Variants in CDHR3 observed in about 807,000 individuals in gnomAD.
The protein encoded by CDHR3 is cadherin related family member 3.
A neutral mutation model predicts 86.6 loss-of-function variants in CDHR3; 79 were observed. The observed-to-expected ratio is 0.91, with a 90% CI of 0.76 to 1.10. The LOEUF (loss-of-function observed/expected upper bound fraction) is 1.10, where lower values mean the gene tolerates loss of function less well. Ranked by LOEUF, CDHR3 falls within the 50% of genes least tolerant of loss-of-function variation. The pLI is 0.00. For missense variants in CDHR3, 1,081 were observed against 1,077.6 expected (o/e 1.00, Z -0.04); for synonymous variants, 421 against 402.4 (o/e 1.05, Z -0.55).
chr7:105,970,936 T>A (rs906938518), intron 1 of CDHR3, among the ~76,000 whole-genome samples: 1 of 151,914 alleles, frequency 6.6e-6, no homozygotes, highest in Admixed American at 6.6e-5. Flanking sequence ...GGTCAGGAGA[T>A]CAAGACCATC....
chr7:105,986,587 C>A (rs1367675429), intron 4 of CDHR3, among the ~76,000 whole-genome samples: 1 of 152,094 alleles, frequency 6.6e-6, no homozygotes. Context: ...ACCCAAAGAC[C>A]CCCAGGGAAA....
Position 106,004,603 on chromosome 7 carries a change from G to C in CDHR3, c.968G>C (p.Gly323Ala), listed in dbSNP as rs1047724093. 1.9e-6 allele frequency: 3 copies of C among 1,613,994 alleles called. No homozygotes were observed. The highest frequency in any genetic ancestry group is 2.5e-6 in the Non-Finnish European group (3 of 1,179,904). ...LEVLVKDRPY[G>A]GQENRIQITF... ...GTTCTAGTGAAGGACAGACCATATG[G>C]GGGTCAGGAGAATCGCATCCAGATA... Residue 323 changes from glycine (G) to alanine (A), a missense_variant, in exon 8 of 19, where the codon GGG becomes GCG. Physicochemically the swap from Gly to Ala is moderately conservative, Grantham distance 60. Coordinates refer to ENST00000317716, the MANE Select transcript of CDHR3 (RefSeq NM_152750.5).
Position 105,996,350 on chromosome 7 carries a change from A to G in CDHR3, c.709A>G (p.Thr237Ala). 1 of 1,588,480 alleles carries G rather than the reference A, an allele frequency of 6.3e-7. No individual in the cohort carries two copies. The highest frequency in any genetic ancestry group is 8.6e-7 in the Non-Finnish European group (1 of 1,160,890). ...VNLNDEVPRF[T>A]SPTRVYTVLE... is the part of the protein sequence containing the mutation. ...CCTCAACGACGAAGTCCCTCGCTTTACCAGGTAGGCCTGAGGGCATGCAGG... is the reference window on the plus strand; with the variant it reads ...CCTCAACGACGAAGTCCCTCGCTTTGCCAGGTAGGCCTGAGGGCATGCAGG... The change falls in exon 6 of 19, where the codon ACC (threonine) becomes GCC (alanine). Residue 237 changes from threonine (T) to alanine (A), a missense_variant. Coordinates refer to ENST00000317716, the MANE Select transcript of CDHR3 (RefSeq NM_152750.5).
rs527337189 is a variant in CDHR3, at chr7:106,008,753, C to A, written c.1052+4066C>A. Reference sequence around the variant, plus strand: ...AGCATCACACTTACACTTTCTTTGACATTTTAAATCTGTGCTAGAACTCTT... The same window carrying A: ...AGCATCACACTTACACTTTCTTTGAAATTTTAAATCTGTGCTAGAACTCTT... On this transcript the variant is annotated intron_variant, in intron 8 of 18. Coordinates refer to ENST00000317716, the MANE Select transcript of CDHR3 (RefSeq NM_152750.5). 2.6e-5 allele frequency among the ~76,000 whole-genome samples: 4 copies of A among 152,258 alleles called. No homozygotes were observed. The South Asian group carries it at 8.3e-4, about 32-fold the overall frequency.
chr7:106,027,146 C>T (rs1837480403), intron 16 of CDHR3, among the ~76,000 whole-genome samples: 1 of 152,124 alleles, frequency 6.6e-6, no homozygotes, highest in Non-Finnish European at 1.5e-5. Context: ...CCTGTAATCC[C>T]AGCACTTTGA....
At chr7:106,015,598 G>A (rs774834672) in intron 10 of CDHR3, among the ~76,000 whole-genome samples, 5 of 152,040 alleles carry the variant, frequency 3.3e-5, no homozygotes, top group Non-Finnish European at 5.9e-5. Flanking sequence ...AGTGAATTAT[G>A]TGGTTTTATA....
intron 1 of CDHR3, among the ~76,000 whole-genome samples, chr7:105,969,404 A>AAG (rs1049039052): frequency 6.6e-6 from 1 of 151,464 alleles, no homozygotes; most frequent in Non-Finnish European, 1.5e-5. Flanking sequence ...TCTCAAAAAA[A>AAG]AAAAAAAAAA....
At chr7:105,988,909 C>A (rs1056472086) in intron 4 of CDHR3, among the ~76,000 whole-genome samples, 3 of 152,326 alleles carry the variant, frequency 2.0e-5, no homozygotes, top group Admixed American at 2.0e-4. Context: ...ATTTTGCCTT[C>A]TTTTTCCATA....
chr7:105,996,206 G>A (rs768470118), intron 5 of CDHR3, 44 bp from the exon 6 acceptor site: 8 of 1,078,426 alleles, frequency 7.4e-6, no homozygotes, highest in Non-Finnish European at 1.1e-5. Flanking sequence ...TTGAAGTAGT[G>A]CCAGCAAAGC....
At chr7:106,006,719 G>A (rs148543675) in intron 8 of CDHR3, among the ~76,000 whole-genome samples, 1 of 152,188 alleles carries the variant, frequency 6.6e-6, no homozygotes, top group African/African-American at 2.4e-5. Context: ...TTCCATCCTG[G>A]ATGCTTTCAT....
chr7:105,994,742 GT>G lies in CDHR3; in HGVS notation c.514-3del, dbSNP rs1831923147. On this transcript the variant is annotated splice_polypyrimidine_tract_variant and splice_region_variant and intron_variant, in intron 4 of 18. Coordinates refer to ENST00000317716, the MANE Select transcript of CDHR3 (RefSeq NM_152750.5). ...CTGATTTCATCAATTTTTTTCCCTT[GT>G]TTTTTAGTATTTCCTGATTTCTCCC... 1.2e-6 allele frequency: 2 copies of G among 1,600,962 alleles called. No individual in the cohort carries two copies. The highest frequency in any genetic ancestry group is 1.1e-5 in the South Asian group (1 of 88,852).
In CDHR3 at chr7:106,024,528, T is replaced by C; in HGVS notation, c.2224T>C (p.Cys742Arg). 1 of 1,614,062 alleles carries C rather than the reference T, an allele frequency of 6.2e-7. No individual in the cohort carries two copies. Among genetic ancestry groups the C allele is most frequent in the Non-Finnish European group, 8.5e-7 (1 of 1,179,888 alleles). The part of the protein sequence containing the change: ...VLLAKAIHRH[C>R]PCKTGKNKEP... ...ATTGGCCAAAGCCATCCACAGACAC[T>C]GCCCCTGCAAGACTGGGAAGAACAA... Residue 742 changes from cysteine to arginine, a missense_variant, in exon 15 of 19, where the codon TGC becomes CGC. Cys to Arg is a radical substitution (Grantham distance 180, BLOSUM62 -3). Transcript: ENST00000317716.
chr7:105,973,819 T>C (rs749676511), intron 1 of CDHR3, among the ~76,000 whole-genome samples: 5 of 151,934 alleles, frequency 3.3e-5, no homozygotes, highest in Non-Finnish European at 7.4e-5. Context: ...ATACAAAAAT[T>C]AGCCAGGCAT....
At chr7:105,991,059 G>A (rs1481633680) in intron 4 of CDHR3, among the ~76,000 whole-genome samples, 1 of 152,226 alleles carries the variant, frequency 6.6e-6, no homozygotes, top group Non-Finnish European at 1.5e-5. Context: ...GAGCTTGTCT[G>A]ACAAGCATTT....
At chr7:105,964,944 C>T (rs1826626652) in intron 1 of CDHR3, among the ~76,000 whole-genome samples, 1 of 152,060 alleles carries the variant, frequency 6.6e-6, no homozygotes, top group African/African-American at 2.4e-5. Context: ...TTTAGGGCCA[C>T]AATCATTTGA....
Position 105,996,277 on chromosome 7 carries a change from C to G in CDHR3, c.636C>G (p.Asp212Glu). The change falls in exon 6 of 19, where the codon GAC becomes GAG. Residue 212 changes from aspartate to glutamate, a missense_variant. By Grantham distance (45) the Asp-to-Glu change is conservative. Transcript: ENST00000317716. ...RSFHLIVEVR[D>E]SGGLKASTEL... ...TCCATCTCATCGTGGAGGTGAGGGA[C>G]AGTGGAGGCCTCAAAGCCTCCACAG... 1 of 1,596,562 alleles carries G rather than the reference C, an allele frequency of 6.3e-7. No individual in the cohort carries two copies. The highest frequency in any genetic ancestry group is 8.6e-7 in the Non-Finnish European group (1 of 1,165,510).
intron 2 of CDHR3, among the ~76,000 whole-genome samples, chr7:105,977,944 T>C (rs1829082284): frequency 6.6e-6 from 1 of 152,148 alleles, no homozygotes; most frequent in Admixed American, 6.5e-5. Context: ...TTACGGGGCA[T>C]TTACCATATG....
chr7:106,025,927 G>C (rs909164736), intron 15 of CDHR3, among the ~76,000 whole-genome samples: 9 of 152,168 alleles, frequency 5.9e-5, no homozygotes, highest in Non-Finnish European at 8.8e-5. Context: ...GTGGTGTACT[G>C]TACTGGGATT....
At chr7:106,028,152 T>C (rs956380163) in intron 16 of CDHR3, among the ~76,000 whole-genome samples, 1 of 126,112 alleles carries the variant, frequency 7.9e-6, no homozygotes, top group Non-Finnish European at 1.8e-5. Context: ...TAAAATAAAA[T>C]AAAATAAAAT....
Sources: gnomAD v4.1 joint callset for allele counts (sites outside exome capture counted in the v4.1 genomes callset) on GRCh38, gnomAD v4.1.1 for gene constraint, MANE v1.5 for transcripts, NCBI Gene and HGNC (gene_info 2026-07-23, HGNC 2026-07-21) for gene names.